The following ZNF587 variants were observed in gnomAD, a reference collection of about 807,000 sequenced individuals.
ZNF587 encodes the protein zinc finger protein zfp6.
In ZNF587, 8 loss-of-function variants were observed where a neutral mutation model predicts 7.5. The observed-to-expected ratio is 1.06, with a 90% CI of 0.62 to 1.92. The LOEUF is 1.92. ZNF587 is among the 40% of genes most tolerant of loss of function. The pLI is 0.00. For missense variants in ZNF587, 468 were observed against 692.8 expected (o/e 0.68, Z 3.64); for synonymous variants, 145 against 237.8 (o/e 0.61, Z 3.59).
chr19:57,856,574 ATTTT>A (rs2071359042), intron 2 of ZNF587, among the ~76,000 whole-genome samples: 1 of 151,516 alleles, frequency 6.6e-6, no homozygotes, highest in East Asian at 1.9e-4. Flanking sequence ...CGCCTGGCTA[ATTTT>A]TTTTGTTTTT....
rs756449103 is a variant in ZNF587 at position 57,854,999 on chromosome 19, AC to A, written c.34-1101del. 4.6e-5 allele frequency among the ~76,000 whole-genome samples: 7 copies of A among 151,424 alleles called. No individual in the cohort carries two copies. The East Asian group carries it at 5.8e-4, about 13-fold the overall frequency. On this transcript the variant is annotated intron_variant, in intron 1 of 2. Transcript: ENST00000339656. ...AGACCATCCTGGCTAACACAGTGAA[AC>A]CCCGTCTCTACTAAAAAAAAAAAAA...
In ZNF587 at chr19:57,858,652, G is replaced by A; in HGVS notation, c.240G>A (p.Arg80=). 3 of 1,553,386 alleles carry A rather than the reference G, an allele frequency of 1.9e-6. No homozygotes were observed. The highest frequency in any genetic ancestry group is 2.6e-6 in the Non-Finnish European group (3 of 1,153,552). The change falls in exon 3 of 3, where the codon AGG becomes AGA. Residue 80 remains arginine (R), a synonymous_variant. Coordinates refer to ENST00000339656, the MANE Select transcript of ZNF587 (RefSeq NM_032828.4). ...RISVQRESQS[R]TPRAGVSPKK... is the part of the protein sequence containing the mutation. ...CTGTACAAAGAGAGTCTCAGAGCAG[G>A]ACTCCTAGGGCAGGTGTTTCTCCTA...
chr19:57,857,716 C>T (rs1248292882), intron 2 of ZNF587, among the ~76,000 whole-genome samples: 1 of 151,764 alleles, frequency 6.6e-6, no homozygotes, highest in Non-Finnish European at 1.5e-5. Flanking sequence ...CTCAGTGTAA[C>T]CTCTGCCTCC....
At chr19:57,855,985 G>A (rs2071350355) in intron 1 of ZNF587, 119 bp from the exon 2 acceptor site, 7 of 1,526,016 alleles carry the variant, frequency 4.6e-6, no homozygotes, top group Non-Finnish European at 5.3e-6. Flanking sequence ...AGTGGATGTG[G>A]TTTCAACTCC....
intron 1 of ZNF587, chr19:57,852,147 T>C (rs950031537): frequency 2.6e-6 from 1 of 388,760 alleles, no homozygotes; most frequent in Non-Finnish European, 4.5e-6. Flanking sequence ...AGTGCCATTT[T>C]TTTCAGTCCT....
At position 57,852,840 on chromosome 19, in the gene ZNF587, CTTTTTTTTTTTTTTT is replaced by C. The variant is rs35543941; in HGVS notation, c.33+2785_33+2799del. ...AATGCGCCCAGCCGAGACAGCTAGG[CTTTTTTTTTTTTTTT>C]TTTTTTTTTTTTTTTGAGACGGAGT... is the stretch of plus-strand genomic sequence containing the variant. On this transcript the variant is annotated intron_variant, in intron 1 of 2. Transcript: ENST00000339656. 2.0e-3 allele frequency among the ~76,000 whole-genome samples: 50 copies of C among 25,286 alleles called. 1 individual carries two copies. Among genetic ancestry groups the C allele is most frequent in the Admixed American group, 1.9e-3 (4 of 2,108 alleles). 16.6% of individuals were successfully genotyped at this position (25,286 alleles called of 152,430 possible). A position where few individuals can be genotyped will look rare whatever the true frequency, so the allele number is the denominator to read the frequency against.
At chr19:57,854,626 G>C (rs1452216504) in intron 1 of ZNF587, among the ~76,000 whole-genome samples, 1 of 151,694 alleles carries the variant, frequency 6.6e-6, no homozygotes, top group Non-Finnish European at 1.5e-5. Context: ...CAGGGTTCCA[G>C]GTTGTTATAT....
chr19:57,853,693 C>G (rs1264732195), intron 1 of ZNF587: 1 of 151,050 alleles, frequency 6.6e-6, no homozygotes, highest in Non-Finnish European at 1.5e-5. Context: ...CATGCAGAAG[C>G]ACAGGAGTAA....
At chr19:57,851,595 G>A (rs1309397587) in intron 1 of ZNF587, 1 of 153,534 alleles carries the variant, frequency 6.5e-6, no homozygotes, top group East Asian at 1.9e-4. Flanking sequence ...CCTGCAGATG[G>A]ACAGAGCTGG....
At chr19:57,858,308 G>C in intron 2 of ZNF587, 2 of 498,160 alleles carry the variant, frequency 4.0e-6, no homozygotes, top group Non-Finnish European at 6.8e-6. Context: ...TGTATTTTTA[G>C]TAGAGATGGG....
chr19:57,857,437 C>T (rs1389094697), intron 2 of ZNF587: 3 of 151,966 alleles, frequency 2.0e-5, no homozygotes, highest in Admixed American at 2.0e-4. Context: ...CACATCTCAC[C>T]CATTTTTCTT....
Position 57,861,361 on chromosome 19 carries a change from C to T in ZNF587, c.*1221C>T, listed in dbSNP as rs113976094. The T allele has an allele frequency of 5.3e-5, 8 of 152,140 alleles. No individual in the cohort carries two copies. Among genetic ancestry groups the T allele is most frequent in the African/African-American group, 1.9e-4 (8 of 41,428 alleles). The allele number at this position is 152,140 out of a possible 1,614,324, so 9.4% of individuals were successfully genotyped here. A position where few individuals can be genotyped will look rare whatever the true frequency, so the allele number is the denominator to read the frequency against. On this transcript the variant is annotated 3_prime_UTR_variant, in exon 3 of 3. Transcript: ENST00000339656. ...TTTTTTTTGTTTTGAGACAAAGTCT[C>T]GCTCTGTCTCCCAGGCTAGAGTACC...
At chr19:57,858,122 C>CTTTTT (rs572536483) in intron 2 of ZNF587, 36 of 123,578 alleles carry the variant, frequency 2.9e-4, no homozygotes, top group African/African-American at 8.2e-4. Flanking sequence ...GAAGCCCCAT[C>CTTTTT]TTTTTTTTTT....
At position 57,860,141 on chromosome 19, in the gene ZNF587, G is replaced by C; in HGVS notation, c.*1G>C. 6.2e-7 allele frequency: 1 copy of C among 1,614,148 alleles called. No homozygotes were observed. On this transcript the variant is annotated 3_prime_UTR_variant, in exon 3 of 3. Transcript: ENST00000339656. ...TTCACACAGGAGAAAGGCCTTATGA[G>C]TGCAGTGAATATGGGAAATCGTTTG... is the stretch of plus-strand genomic sequence containing the variant.
rs1276521608 is a variant in ZNF587 at position 57,861,198 on chromosome 19, T to A, written c.*1058T>A. 1 of 152,192 alleles carries A rather than the reference T, an allele frequency of 6.6e-6. No individual in the cohort carries two copies. Among genetic ancestry groups the A allele is most frequent in the African/African-American group, 2.4e-5 (1 of 41,426 alleles). 9.4% of individuals were successfully genotyped at this position (152,192 alleles called of 1,614,324 possible). On this transcript the variant is annotated 3_prime_UTR_variant, in exon 3 of 3. Coordinates refer to ENST00000339656, the MANE Select transcript of ZNF587 (RefSeq NM_032828.4). ...TATGACTTAAGAATGAAATTATTGC[T>A]CATTTGTATATCTATCTACCATCAG...
At chr19:57,851,927 T>C (rs1442627004) in intron 1 of ZNF587, 1 of 162,010 alleles carries the variant, frequency 6.2e-6, no homozygotes, top group Non-Finnish European at 1.3e-5. Flanking sequence ...AGCCTTAGGG[T>C]TACCTGGTTC....
intron 1 of ZNF587, among the ~76,000 whole-genome samples, chr19:57,854,265 G>A (rs1161614648): frequency 1.3e-5 from 2 of 152,032 alleles, no homozygotes; most frequent in African/African-American, 2.4e-5. Flanking sequence ...CTCAGCTGGT[G>A]CAGCACAAAA....
chr19:57,859,782 T>G lies in ZNF587; in HGVS notation c.1370T>G (p.Val457Gly). 1 of 1,613,960 alleles carries G rather than the reference T, an allele frequency of 6.2e-7. No individual in the cohort carries two copies. Among genetic ancestry groups the G allele is most frequent in the Non-Finnish European group, 8.5e-7 (1 of 1,179,984 alleles). ...TATCATCTTCTGGTTCATGAGAGAG[T>G]TCACACTGGAGAAAGGCCATATGCG... The part of the protein sequence containing the change: ...RKYHLLVHER[V>G]HTGERPYACE... The change falls in exon 3 of 3, where the codon GTT (valine) becomes GGT (glycine). Residue 457 changes from valine to glycine, a missense_variant. Val to Gly is a moderately radical substitution (Grantham distance 109). Around this residue, in one of 5 missense-constraint regions of ZNF587, gnomAD observed 310 missense variants for 325.6 expected, o/e 0.95. Coordinates refer to ENST00000339656, the MANE Select transcript of ZNF587 (RefSeq NM_032828.4).
At position 57,860,017 on chromosome 19, in the gene ZNF587, C is replaced by G; in HGVS notation, c.1605C>G (p.Leu535=). 1 of 1,613,820 alleles carries G rather than the reference C, an allele frequency of 6.2e-7. No homozygotes were observed. Among genetic ancestry groups the G allele is most frequent in the Non-Finnish European group, 8.5e-7 (1 of 1,179,956 alleles). Residue 535 remains leucine (L), a synonymous_variant, in exon 3 of 3, where the codon CTC becomes CTG. Coordinates refer to ENST00000339656, the MANE Select transcript of ZNF587 (RefSeq NM_032828.4). ...CGKSFSECSS[L]IKHRRIHTGE... ...AATCCTTTTCTGAATGTTCCAGTCT[C>G]ATTAAACACAGGAGAATTCACACTG...
Sources: gnomAD v4.1 joint callset for allele counts (sites outside exome capture counted in the v4.1 genomes callset) on GRCh38, gnomAD v4.1.1 for gene constraint, gnomAD v4.1.1 regional missense constraint, MANE v1.5 for transcripts, NCBI Gene and HGNC (gene_info 2026-07-23, HGNC 2026-07-21) for gene names.